AGPAT2: variants seen among roughly 807,000 people sequenced by gnomAD.
AGPAT2 encodes the protein 1-acyl-sn-glycerol-3-phosphate acyltransferase beta.
AGPAT2 carries 18 observed loss-of-function variants against 26.1 expected under a neutral mutation model. That is an observed-to-expected ratio of 0.69 (90% CI 0.48 to 1.02). AGPAT2 has a LOEUF of 1.02. Ranked by LOEUF, AGPAT2 falls within the 50% of genes least tolerant of loss-of-function variation. The pLI, the probability that AGPAT2 is intolerant of heterozygous loss-of-function variation, is 0.00. For missense variants in AGPAT2, 415 were observed against 394.9 expected, an observed-to-expected ratio of 1.05 and a Z score of -0.43; for synonymous variants, 200 against 174.2, an observed-to-expected ratio of 1.15 and a Z score of -1.16.
chr9:136,675,285 T>G (rs1027281785), intron 4 of AGPAT2, among the ~76,000 whole-genome samples: 41 of 151,212 alleles, frequency 2.7e-4, no homozygotes, highest in Admixed American at 1.4e-3. Flanking sequence ...CACTTGGGGG[T>G]GATCATTAAC....
intron 1 of AGPAT2, among the ~76,000 whole-genome samples, chr9:136,683,360 G>A (rs1274120831): frequency 3.3e-5 from 5 of 152,224 alleles, no homozygotes; most frequent in Non-Finnish European, 5.9e-5. Context: ...GGCTGTCCTC[G>A]TGGAAGGCCA....
intron 1 of AGPAT2, among the ~76,000 whole-genome samples, chr9:136,682,386 C>T (rs757348426): frequency 6.6e-6 from 1 of 152,228 alleles, no homozygotes; most frequent in Admixed American, 6.5e-5. Context: ...ACTCCCCTCC[C>T]ACCAACCACA....
chr9:136,676,554 AC>A (rs1326108899), intron 4 of AGPAT2, 30 bp downstream of exon 4: 2 of 1,581,776 alleles, frequency 1.3e-6, no homozygotes, highest in East Asian at 4.5e-5. Context: ...CCCAGCCTGC[AC>A]CCACCCAGGG....
chr9:136,680,863 C>CA (rs1374956501), intron 1 of AGPAT2, among the ~76,000 whole-genome samples: 1 of 151,730 alleles, frequency 6.6e-6, no homozygotes, highest in Non-Finnish European at 1.5e-5. Flanking sequence ...GACGGGGTTT[C>CA]ACCATGTCGG....
intron 1 of AGPAT2, among the ~76,000 whole-genome samples, chr9:136,677,891 G>A (rs1020128805): frequency 9.2e-5 from 14 of 152,196 alleles, no homozygotes; most frequent in South Asian, 2.1e-4. Flanking sequence ...GGACCCAGCC[G>A]GAAAGGAACT....
At chr9:136,678,817 G>C (rs929049097) in intron 1 of AGPAT2, among the ~76,000 whole-genome samples, 1 of 152,136 alleles carries the variant, frequency 6.6e-6, no homozygotes, top group Non-Finnish European at 1.5e-5. Context: ...ACATTGTGCA[G>C]TGTCACAATC....
chr9:136,674,376 G>A (rs1455906051), intron 5 of AGPAT2, among the ~76,000 whole-genome samples: 1 of 152,136 alleles, frequency 6.6e-6, no homozygotes, highest in Non-Finnish European at 1.5e-5. Flanking sequence ...CCCGCAGCCT[G>A]TGCCCCTGGG....
intron 1 of AGPAT2, among the ~76,000 whole-genome samples, chr9:136,681,438 C>T (rs1846159749): frequency 6.6e-6 from 1 of 152,244 alleles, no homozygotes; most frequent in Admixed American, 6.5e-5. Flanking sequence ...GGCCACCGCA[C>T]TTCCCCCGCG....
intron 1 of AGPAT2, among the ~76,000 whole-genome samples, chr9:136,686,354 CAG>C (rs1473330326): frequency 6.6e-6 from 1 of 152,224 alleles, no homozygotes; most frequent in African/African-American, 2.4e-5. Context: ...GGACGGCTAA[CAG>C]GGAGAGGGGG....
intron 5 of AGPAT2, 62 bp downstream of exon 5, chr9:136,674,673 G>T: frequency 8.0e-7 from 1 of 1,255,846 alleles, no homozygotes; most frequent in Non-Finnish European, 1.0e-6. Context: ...TGAGGGGCCC[G>T]GGGCTCCGTG....
chr9:136,674,001 C>T (rs1846051794), intron 5 of AGPAT2, 74 bp from the exon 6 acceptor site: 1 of 1,380,632 alleles, frequency 7.2e-7, no homozygotes, highest in Non-Finnish European at 9.5e-7. Context: ...CCTGGCCTCG[C>T]CTCTCCCCAG....
chr9:136,676,918 A>G, intron 3 of AGPAT2, 43 bp downstream of exon 3: 15 of 519,980 alleles, frequency 2.9e-5, no homozygotes, highest in Non-Finnish European at 4.2e-5. Flanking sequence ...GGCCCCGCCC[A>G]GGCCCCACCC....
chr9:136,685,328 C>T (rs1588269132), intron 1 of AGPAT2, among the ~76,000 whole-genome samples: 1 of 152,240 alleles, frequency 6.6e-6, no homozygotes, highest in East Asian at 1.9e-4. Flanking sequence ...AATCTCCAAG[C>T]TGAGATGGGG....
At chr9:136,682,427 C>G (rs1243029566) in intron 1 of AGPAT2, among the ~76,000 whole-genome samples, 1 of 152,252 alleles carries the variant, frequency 6.6e-6, no homozygotes, top group African/African-American at 2.4e-5. Context: ...GTCCTTTCCT[C>G]AAAGCCTGGG....
intron 4 of AGPAT2, among the ~76,000 whole-genome samples, chr9:136,675,785 G>C (rs1034602408): frequency 1.3e-5 from 2 of 152,210 alleles, no homozygotes; most frequent in African/African-American, 2.4e-5. Flanking sequence ...GCTGGGATCA[G>C]AGCCCAAGGA....
At chr9:136,684,738 C>A (rs1846201777) in intron 1 of AGPAT2, among the ~76,000 whole-genome samples, 1 of 152,224 alleles carries the variant, frequency 6.6e-6, no homozygotes, top group Non-Finnish European at 1.5e-5. Context: ...CCCAGTTCCA[C>A]CCCATCCTGG....
In AGPAT2 at chr9:136,677,012, G is replaced by T. The variant is rs752391395; in HGVS notation, c.441C>A (p.Ser147Arg). The change falls in exon 3 of 6, where the codon AGC becomes AGA. Residue 147 changes from serine (S) to arginine (R), a missense_variant. Physicochemically the swap from Ser to Arg is moderately radical, Grantham distance 110. Transcript: ENST00000371696. ...GGTCGGCCATCACTGTCATGGCAGT[G>T]CTAGAGCGCTGCCGGTTGATGAAGA... is the stretch of plus-strand genomic sequence containing the variant. Reference protein sequence around the residue: ...GVFFINRQRSSTAMTVMADLG... With the variant: ...GVFFINRQRSRTAMTVMADLG... The T allele has an allele frequency of 1.9e-6, 3 of 1,612,666 alleles. No homozygotes were observed. The highest frequency in any genetic ancestry group is 2.5e-6 in the Non-Finnish European group (3 of 1,179,878).
Position 136,673,812 on chromosome 9 carries a change from G to A in AGPAT2, c.777C>T (p.Ile259=), listed in dbSNP as rs1367681582. The part of the protein sequence containing the change: ...HRAMRTTFLH[I]SKTPQENGAT... Reference sequence around the variant, plus strand: ...CCCCGTTCTCCTGGGGGGTCTTGGAGATGTGGAGGAAGGTGGTCCTCATGG... The same window carrying A: ...CCCCGTTCTCCTGGGGGGTCTTGGAAATGTGGAGGAAGGTGGTCCTCATGG... Residue 259 remains isoleucine, a synonymous_variant, in exon 6 of 6, where the codon ATC becomes ATT. Coordinates refer to ENST00000371696, the MANE Select transcript of AGPAT2 (RefSeq NM_006412.4). 28 of 1,606,704 alleles carry A rather than the reference G, an allele frequency of 1.7e-5. No homozygotes were observed. The highest frequency in any genetic ancestry group is 6.7e-5 in the African/African-American group (5 of 74,812).
At chr9:136,681,390 C>T (rs1411683216) in intron 1 of AGPAT2, among the ~76,000 whole-genome samples, 1 of 152,184 alleles carries the variant, frequency 6.6e-6, no homozygotes, top group Non-Finnish European at 1.5e-5. Context: ...AGTTGATGTC[C>T]TCAAGGGGAC....
Sources: gnomAD v4.1 joint callset for allele counts (sites outside exome capture counted in the v4.1 genomes callset) on GRCh38, gnomAD v4.1.1 for gene constraint, MANE v1.5 for transcripts, NCBI Gene and HGNC (gene_info 2026-07-23, HGNC 2026-07-21) for gene names.